The following LANCL2 variants were observed in gnomAD, a reference collection of about 807,000 sequenced individuals.
LANCL2 encodes the protein lanC-like protein 2.
In LANCL2, 33 loss-of-function variants were observed where a neutral mutation model predicts 56.9. That is an observed-to-expected ratio of 0.58 (90% confidence interval 0.44 to 0.78). The LOEUF (loss-of-function observed/expected upper bound fraction) is 0.78, where lower values mean the gene tolerates loss of function less well. Among genes scored for constraint, LANCL2 ranks in the 30% least tolerant of loss-of-function variants. The pLI, the probability that LANCL2 is intolerant of heterozygous loss-of-function variation, is 0.00. For missense variants in LANCL2, 562 were observed against 580.2 expected, an observed-to-expected ratio of 0.97 and a Z score of 0.32; for synonymous variants, 233 against 228.2, an observed-to-expected ratio of 1.02 and a Z score of -0.19.
rs549771946 is a variant in LANCL2 at position 55,381,924 on chromosome 7, C to G, written c.205-9869C>G. Among the ~76,000 whole-genome samples the G allele has an allele frequency of 3.3e-5, 5 of 152,198 alleles. No homozygotes were observed. The South Asian group carries it at 1.0e-3, about 31-fold the overall frequency. On this transcript the variant is annotated intron_variant, in intron 1 of 8. Transcript: ENST00000254770. The stretch of plus-strand genomic sequence containing the variant: ...AATGAGGTTTGTGATGTAGATTTCT[C>G]TGGTGCCTTCTCCAGGCTGATGCCT...
At chr7:55,389,485 T>C (rs1277090054) in intron 1 of LANCL2, among the ~76,000 whole-genome samples, 2 of 152,254 alleles carry the variant, frequency 1.3e-5, no homozygotes, top group Non-Finnish European at 1.5e-5. Flanking sequence ...AGTGGGCATC[T>C]GAAAACTTAG....
intron 6 of LANCL2, among the ~76,000 whole-genome samples, chr7:55,423,176 C>G (rs1562870199): frequency 6.6e-6 from 1 of 152,210 alleles, no homozygotes; most frequent in African/African-American, 2.4e-5. Flanking sequence ...GTTCTGAATT[C>G]TTGGATGTCT....
intron 1 of LANCL2, among the ~76,000 whole-genome samples, chr7:55,373,806 G>C (rs529166875): frequency 6.6e-6 from 1 of 152,260 alleles, no homozygotes; most frequent in South Asian, 2.1e-4. Flanking sequence ...TGACATTCCA[G>C]GCTACTGTAA....
At chr7:55,412,206 A>G in intron 6 of LANCL2, 117 bp downstream of exon 6, 1 of 906,996 alleles carries the variant, frequency 1.1e-6, no homozygotes, top group East Asian at 2.5e-5. Context: ...TTTTAGAATG[A>G]TTGTTTTTAC....
In LANCL2 at chr7:55,427,974, T is replaced by G. The variant is rs547901778; in HGVS notation, c.1186-401T>G. On this transcript the variant is annotated intron_variant, in intron 7 of 8. Coordinates refer to ENST00000254770, the MANE Select transcript of LANCL2 (RefSeq NM_018697.4). ...GGCAGGGCTGAAGCTGTTTCCCAGC[T>G]GGGGCCAGGGGAGCCAGCAGCTGCT... The G allele has an allele frequency of 2.3e-5, 4 of 173,934 alleles. No individual in the cohort carries two copies. The East Asian group carries it at 4.4e-4, about 19-fold the overall frequency. 10.8% of individuals were successfully genotyped at this position (173,934 alleles called of 1,614,324 possible).
At chr7:55,384,260 T>G (rs552274518) in intron 1 of LANCL2, among the ~76,000 whole-genome samples, 2 of 152,190 alleles carry the variant, frequency 1.3e-5, no homozygotes, top group African/African-American at 4.8e-5. Context: ...AGATAGAAAT[T>G]TATAGATGCA....
rs573442771 is a variant in LANCL2, at chr7:55,387,802, T to G, written c.205-3991T>G. On this transcript the variant is annotated intron_variant, in intron 1 of 8. Coordinates refer to ENST00000254770, the MANE Select transcript of LANCL2 (RefSeq NM_018697.4). Reference sequence around the variant, plus strand: ...GACTTTGACTTGTTCTAAATATCCTTTTTAAAAAACAACCTTACTTTAAGA... The same window carrying G: ...GACTTTGACTTGTTCTAAATATCCTGTTTAAAAAACAACCTTACTTTAAGA... Among the ~76,000 whole-genome samples, 11 of 152,362 alleles carry G rather than the reference T, an allele frequency of 7.2e-5. No homozygotes were observed. The South Asian group carries it at 2.3e-3, about 32-fold the overall frequency.
At chr7:55,398,379 A>G in intron 2 of LANCL2, 44 bp from the exon 3 acceptor site, 4 of 1,409,384 alleles carry the variant, frequency 2.8e-6, no homozygotes, top group Non-Finnish European at 4.0e-6. Flanking sequence ...AGATAAAAGG[A>G]AAAGATAATA....
chr7:55,417,433 CT>C (rs1790556791), intron 6 of LANCL2, among the ~76,000 whole-genome samples: 3 of 152,154 alleles, frequency 2.0e-5, no homozygotes, highest in Non-Finnish European at 4.4e-5. Flanking sequence ...TATTCAGTTA[CT>C]TTGGCCTGTT....
intron 4 of LANCL2, among the ~76,000 whole-genome samples, chr7:55,400,759 C>A (rs1790312074): frequency 6.6e-6 from 1 of 152,214 alleles, no homozygotes; most frequent in African/African-American, 2.4e-5. Context: ...CATGCCACAG[C>A]AGACCTCATA....
chr7:55,379,284 C>T (rs1378841481), intron 1 of LANCL2, among the ~76,000 whole-genome samples: 2 of 152,214 alleles, frequency 1.3e-5, no homozygotes, highest in Non-Finnish European at 2.9e-5. Context: ...GAAAACTCAA[C>T]TTAAACGTAC....
At chr7:55,402,191 G>A (rs1790339358) in intron 5 of LANCL2, among the ~76,000 whole-genome samples, 1 of 150,070 alleles carries the variant, frequency 6.7e-6, no homozygotes, top group Non-Finnish European at 1.5e-5. Context: ...TCCCAGTAGG[G>A]GCGGCCAGGC....
chr7:55,394,008 C>T (rs1046702185), intron 2 of LANCL2: 1 of 152,160 alleles, frequency 6.6e-6, no homozygotes, highest in African/African-American at 2.4e-5. Flanking sequence ...AACCCCTGAT[C>T]GTTAGGTTCC....
chr7:55,384,965 T>C (rs537507337), intron 1 of LANCL2, among the ~76,000 whole-genome samples: 11 of 152,098 alleles, frequency 7.2e-5, no homozygotes, highest in Admixed American at 3.9e-4. Flanking sequence ...GGTGGGAGGA[T>C]TGCTTGAGCC....
chr7:55,403,094 G>C (rs1790360895), intron 5 of LANCL2, among the ~76,000 whole-genome samples: 1 of 152,198 alleles, frequency 6.6e-6, no homozygotes, highest in Non-Finnish European at 1.5e-5. Context: ...AGGCAGCTGG[G>C]AGGTGGAGGT....
At chr7:55,412,337 C>CT (rs1291501346) in intron 6 of LANCL2, among the ~76,000 whole-genome samples, 1 of 152,148 alleles carries the variant, frequency 6.6e-6, no homozygotes. Flanking sequence ...AAAAGAAAAC[C>CT]TAGATGACAG....
chr7:55,396,760 T>G (rs1220532407), intron 2 of LANCL2, among the ~76,000 whole-genome samples: 1 of 152,176 alleles, frequency 6.6e-6, no homozygotes, highest in Non-Finnish European at 1.5e-5. Context: ...ACTGAAGCAT[T>G]AAGTATATAT....
intron 4 of LANCL2, 98 bp downstream of exon 4, chr7:55,400,202 A>G (rs1790305149): frequency 9.3e-7 from 1 of 1,080,982 alleles, no homozygotes. Flanking sequence ...TCTAGGTAGC[A>G]TTACTTTTTT....
intron 1 of LANCL2, among the ~76,000 whole-genome samples, chr7:55,372,367 T>G (rs939080786): frequency 2.6e-5 from 4 of 152,274 alleles, no homozygotes; most frequent in African/African-American, 9.6e-5. Context: ...TTGTAGACTT[T>G]GAGCAAGTTA....
Sources: gnomAD v4.1 joint callset for allele counts (sites outside exome capture counted in the v4.1 genomes callset) on GRCh38, gnomAD v4.1.1 for gene constraint, MANE v1.5 for transcripts, NCBI Gene and HGNC (gene_info 2026-07-23, HGNC 2026-07-21) for gene names.